Variants in FOXN3 observed in about 807,000 individuals in gnomAD.
FOXN3 encodes forkhead box N3, also known as forkhead box protein N3.
A neutral mutation model predicts 38.4 loss-of-function variants in FOXN3; 7 were observed. The ratio of observed to expected loss-of-function variants is 0.18; its 90% CI spans 0.10 to 0.34. The LOEUF (loss-of-function observed/expected upper bound fraction) is 0.34, where lower values mean the gene tolerates loss of function less well. Among genes scored for constraint, FOXN3 ranks in the 10% least tolerant of loss-of-function variants. The pLI, the probability that FOXN3 is intolerant of heterozygous loss-of-function variation, is 1.00. For synonymous variants in FOXN3, 230 were observed against 242.2 expected (o/e 0.95, Z 0.47); for missense variants, 456 against 613.4 (o/e 0.74, Z 2.71).
chr14:89,203,328 G>A (rs985810357), intron 4 of FOXN3, among the ~76,000 whole-genome samples: 10 of 152,202 alleles, frequency 6.6e-5, no homozygotes, highest in African/African-American at 2.4e-4. Flanking sequence ...AAACATCGCA[G>A]AATTCCCTCC....
At chr14:89,171,736 T>C (rs1887394087) in intron 5 of FOXN3, among the ~76,000 whole-genome samples, 3 of 152,204 alleles carry the variant, frequency 2.0e-5, no homozygotes, top group Admixed American at 2.0e-4. Flanking sequence ...TAGAATAATT[T>C]TGTTATGATA....
At chr14:89,543,046 A>G (rs1566693162) in intron 1 of FOXN3, among the ~76,000 whole-genome samples, 1 of 90,536 alleles carries the variant, frequency 1.1e-5, no homozygotes, top group Non-Finnish European at 2.5e-5. Context: ...GAGAAAAGAC[A>G]CTCTTTGACT....
At chr14:89,510,885 G>A (rs1045866285) in intron 1 of FOXN3, among the ~76,000 whole-genome samples, 11 of 152,168 alleles carry the variant, frequency 7.2e-5, no homozygotes, top group African/African-American at 2.7e-4. Flanking sequence ...GGAAGTTGCA[G>A]TGAGCTGAGA....
rs139949483 is a variant in FOXN3 at position 89,161,894 on chromosome 14, C to T, written c.*520G>A. 6.6e-6 allele frequency: 1 copy of T among 152,448 alleles called. No homozygotes were observed. The highest frequency in any genetic ancestry group is 2.4e-5 in the African/African-American group (1 of 41,404). The allele number at this position is 152,448 out of a possible 1,614,324, so 9.4% of individuals were successfully genotyped here. Reference sequence around the variant, plus strand: ...CTGGTGCCACAAGCTTGGGTCTGCTCCTAGGGGGACGAGGGGTTCCTCCTC... The same window carrying T: ...CTGGTGCCACAAGCTTGGGTCTGCTTCTAGGGGGACGAGGGGTTCCTCCTC... On this transcript the variant is annotated 3_prime_UTR_variant, in exon 6 of 6. Transcript: ENST00000557258.
intron 4 of FOXN3, among the ~76,000 whole-genome samples, chr14:89,240,073 G>A (rs905644108): frequency 6.6e-6 from 1 of 152,144 alleles, no homozygotes. Context: ...AAAAAGATAA[G>A]TACAGAATGA....
chr14:89,397,239 A>C (rs779367403), intron 2 of FOXN3, among the ~76,000 whole-genome samples: 1 of 152,092 alleles, frequency 6.6e-6, no homozygotes, highest in African/African-American at 2.4e-5. Context: ...AATGATGAGA[A>C]CACATGGACA....
At chr14:89,614,502 T>C (rs757026369) in intron 1 of FOXN3, among the ~76,000 whole-genome samples, 2 of 152,184 alleles carry the variant, frequency 1.3e-5, no homozygotes, top group Non-Finnish European at 2.9e-5. Flanking sequence ...AATTGCCACC[T>C]TTTTCCTGCT....
chr14:89,282,535 T>C (rs946627788), intron 3 of FOXN3, among the ~76,000 whole-genome samples: 3 of 152,178 alleles, frequency 2.0e-5, no homozygotes, highest in Admixed American at 6.5e-5. Flanking sequence ...TGCATTAAAA[T>C]ACTTAAGATT....
chr14:89,265,770 G>A (rs1391537535), intron 4 of FOXN3, among the ~76,000 whole-genome samples: 1 of 152,202 alleles, frequency 6.6e-6, no homozygotes, highest in Non-Finnish European at 1.5e-5. Context: ...GACTCTTTCA[G>A]CTTTCTTTTC....
chr14:89,261,801 G>A (rs550567584), intron 4 of FOXN3, among the ~76,000 whole-genome samples: 3 of 152,240 alleles, frequency 2.0e-5, no homozygotes, highest in South Asian at 2.1e-4. Context: ...GGTGACAGGC[G>A]CCTATAGTCC....
At chr14:89,419,392 G>GCT (rs1408500810), upstream of FOXN3, 9 of 339,116 alleles carry the variant, frequency 2.7e-5, no homozygotes, top group East Asian at 6.9e-4. Flanking sequence ...ATTTGTTTGG[G>GCT]AACAACCCCA....
intron 3 of FOXN3, among the ~76,000 whole-genome samples, chr14:89,320,898 A>C (rs1420194217): frequency 2.0e-5 from 3 of 152,190 alleles, no homozygotes; most frequent in Admixed American, 6.5e-5. Flanking sequence ...TGGCTGCGCG[A>C]TTCTCACCCA....
chr14:89,389,348 T>C (rs10047806), intron 2 of FOXN3, among the ~76,000 whole-genome samples: 23,086 of 152,096 alleles, frequency 0.15, 2,246 homozygotes, highest in East Asian at 0.35. Flanking sequence ...ATATACCTAA[T>C]GTCTCAGACT....
chr14:89,403,099 C>T (rs1258334458), intron 2 of FOXN3, among the ~76,000 whole-genome samples: 2 of 152,170 alleles, frequency 1.3e-5, no homozygotes, highest in African/African-American at 4.8e-5. Flanking sequence ...CCAGTACTTA[C>T]GGTAACTTAT....
chr14:89,424,004 C>G (rs1891972048), intron 1 of FOXN3, among the ~76,000 whole-genome samples: 1 of 152,160 alleles, frequency 6.6e-6, no homozygotes, highest in Admixed American at 6.5e-5. Context: ...GGCATTTATG[C>G]CTGGCAGAAG....
At chr14:89,368,895 A>T (rs1890231288) in intron 2 of FOXN3, among the ~76,000 whole-genome samples, 1 of 152,148 alleles carries the variant, frequency 6.6e-6, no homozygotes, top group Non-Finnish European at 1.5e-5. Context: ...TATGGGAGAG[A>T]AACTCCGCCA....
chr14:89,615,491 G>A (rs1019202636), intron 1 of FOXN3, among the ~76,000 whole-genome samples: 14 of 152,290 alleles, frequency 9.2e-5, no homozygotes, highest in African/African-American at 3.4e-4. Flanking sequence ...CAGGTTTGCA[G>A]AGAATGAATT....
intron 1 of FOXN3, among the ~76,000 whole-genome samples, chr14:89,583,301 G>C (rs940483804): frequency 6.6e-6 from 1 of 152,144 alleles, no homozygotes; most frequent in Non-Finnish European, 1.5e-5. Context: ...GAGGCATCTG[G>C]GCAGGTGCTC....
At chr14:89,295,619 ACT>A (rs1179611361) in intron 3 of FOXN3, among the ~76,000 whole-genome samples, 4 of 151,638 alleles carry the variant, frequency 2.6e-5, no homozygotes, top group African/African-American at 9.7e-5. Flanking sequence ...TCACTCTGTC[ACT>A]CTGTCACCCA....
Sources: gnomAD v4.1 joint callset for allele counts (sites outside exome capture counted in the v4.1 genomes callset) on GRCh38, gnomAD v4.1.1 for gene constraint, MANE v1.5 for transcripts, NCBI Gene and HGNC (gene_info 2026-07-23, HGNC 2026-07-21) for gene names.